SLC35E3: variants seen among roughly 807,000 people sequenced by gnomAD.
SLC35E3 encodes solute carrier family 35 member E3.
SLC35E3 carries 28 observed loss-of-function variants against 30.8 expected under a neutral mutation model. The observed-to-expected ratio is 0.91, with a 90% CI of 0.67 to 1.25. SLC35E3 has a LOEUF of 1.25. Among genes scored for constraint, SLC35E3 ranks in the 50% most tolerant of loss-of-function variants. The probability of loss-of-function intolerance (pLI) is 0.00; values close to 1 mark genes in which losing one functional copy is unlikely to be tolerated. For missense variants in SLC35E3, 365 were observed against 375.4 expected, an observed-to-expected ratio of 0.97 and a Z score of 0.23; for synonymous variants, 146 against 149.2, an observed-to-expected ratio of 0.98 and a Z score of 0.16.
chr12:68,753,085 G>A (rs1878863085), intron 3 of SLC35E3, among the ~76,000 whole-genome samples: 1 of 144,772 alleles, frequency 6.9e-6, no homozygotes, highest in African/African-American at 2.6e-5. Flanking sequence ...AGGTGGAGGT[G>A]CAGTGAGCTG....
At chr12:68,754,911 A>G (rs1313953728) in intron 3 of SLC35E3, among the ~76,000 whole-genome samples, 1 of 152,150 alleles carries the variant, frequency 6.6e-6, no homozygotes, top group African/African-American at 2.4e-5. Flanking sequence ...TAATCCTCCT[A>G]TGTCTTAGTC....
At chr12:68,753,936 C>T (rs1368629053) in intron 3 of SLC35E3, among the ~76,000 whole-genome samples, 5 of 151,942 alleles carry the variant, frequency 3.3e-5, no homozygotes, top group Non-Finnish European at 5.9e-5. Flanking sequence ...ACTGCAAACT[C>T]CGCCTCCCGG....
In SLC35E3 at chr12:68,747,916, C is replaced by G. The variant is rs564789777; in HGVS notation, c.403-14C>G. On this transcript the variant is annotated splice_polypyrimidine_tract_variant and intron_variant, in intron 1 of 4. Transcript: ENST00000398004. ...AATTTAATCTGAACAACATTTACCT[C>G]TTTTTCGTTACAGATTCCTATAACT... 1 of 1,384,026 alleles carries G rather than the reference C, an allele frequency of 7.2e-7. No homozygotes were observed. The highest frequency in any genetic ancestry group is 1.4e-5 in the African/African-American group (1 of 69,974). 85.7% of individuals were successfully genotyped at this position (1,384,026 alleles called of 1,614,324 possible).
At chr12:68,760,235 T>C (rs1230224540) in intron 4 of SLC35E3, 1 of 152,186 alleles carries the variant, frequency 6.6e-6, no homozygotes, top group Non-Finnish European at 1.5e-5. Flanking sequence ...AACTGTCCAT[T>C]TGTACCATTC....
chr12:68,774,319 C>T lies in SLC35E3; in HGVS notation c.*9429C>T, dbSNP rs1879679793. 1 of 152,168 alleles carries T rather than the reference C, an allele frequency of 6.6e-6. No homozygotes were observed. The highest frequency in any genetic ancestry group is 1.5e-5 in the Non-Finnish European group (1 of 68,122). The allele number at this position is 152,168 out of a possible 1,614,324, so 9.4% of individuals were successfully genotyped here. A position where few individuals can be genotyped will look rare whatever the true frequency, so the allele number is the denominator to read the frequency against. On this transcript the variant is annotated 3_prime_UTR_variant, in exon 5 of 5. Coordinates refer to ENST00000398004, the MANE Select transcript of SLC35E3 (RefSeq NM_018656.5). The stretch of plus-strand genomic sequence containing the variant: ...AGGTGGCCAGGCGTAGTGGTTCACA[C>T]CTGCAATCTCAGCACTTTGGAAGGC...
At chr12:68,753,836 C>CA (rs553993443) in intron 3 of SLC35E3, among the ~76,000 whole-genome samples, 2 of 68,010 alleles carry the variant, frequency 2.9e-5, no homozygotes, top group African/African-American at 7.8e-5. Context: ...ACACACACAC[C>CA]CCAATTAAAC....
rs375153571 is a variant in SLC35E3 at position 68,777,971 on chromosome 12, A to G, written c.*13081A>G. ...CGTCTCTATAAAAAGTACAAAAATTAGCCAGGTATGGTGGTATGTGCCTGT... is the reference window on the plus strand; with the variant it reads ...CGTCTCTATAAAAAGTACAAAAATTGGCCAGGTATGGTGGTATGTGCCTGT... On this transcript the variant is annotated 3_prime_UTR_variant, in exon 5 of 5. Transcript: ENST00000398004. 3 of 152,078 alleles carry G rather than the reference A, an allele frequency of 2.0e-5. No individual in the cohort carries two copies. In the East Asian group the frequency reaches 5.8e-4, roughly 29 times the overall value. The allele number at this position is 152,078 out of a possible 1,614,324, so 9.4% of individuals were successfully genotyped here. A position where few individuals can be genotyped will look rare whatever the true frequency, so the allele number is the denominator to read the frequency against.
At chr12:68,749,197 G>A (rs1201598574) in intron 2 of SLC35E3, among the ~76,000 whole-genome samples, 1 of 152,162 alleles carries the variant, frequency 6.6e-6, no homozygotes, top group African/African-American at 2.4e-5. Context: ...AGAATCAAAG[G>A]ATTCTATATC....
At chr12:68,763,061 G>C (rs1412183609) in intron 4 of SLC35E3, among the ~76,000 whole-genome samples, 1 of 152,242 alleles carries the variant, frequency 6.6e-6, no homozygotes, top group East Asian at 1.9e-4. Flanking sequence ...GGTTGTATTT[G>C]AGAGAATGTG....
chr12:68,770,734 T>C lies in SLC35E3; in HGVS notation c.*5844T>C, dbSNP rs1879580824. 1.3e-5 allele frequency: 2 copies of C among 152,284 alleles called. No individual in the cohort carries two copies. Among genetic ancestry groups the C allele is most frequent in the African/African-American group, 4.8e-5 (2 of 41,408 alleles). 9.4% of individuals were successfully genotyped at this position (152,284 alleles called of 1,614,324 possible). A position where few individuals can be genotyped will look rare whatever the true frequency, so the allele number is the denominator to read the frequency against. On this transcript the variant is annotated 3_prime_UTR_variant, in exon 5 of 5. Transcript: ENST00000398004. Reference sequence around the variant, plus strand: ...CTGTGGTCCCAGCTACTCAGGAGGCTGAGGCGGGAGGATCTCCTGAGCCCA... The same window carrying C: ...CTGTGGTCCCAGCTACTCAGGAGGCCGAGGCGGGAGGATCTCCTGAGCCCA...
At position 68,764,796 on chromosome 12, in the gene SLC35E3, G is replaced by T. The variant is rs1178671247; in HGVS notation, c.848G>T (p.Gly283Val). 1 of 1,613,866 alleles carries T rather than the reference G, an allele frequency of 6.2e-7. No homozygotes were observed. Among genetic ancestry groups the T allele is most frequent in the Non-Finnish European group, 8.5e-7 (1 of 1,179,978 alleles). The change falls in exon 5 of 5, where the codon GGC (glycine) becomes GTC (valine). Residue 283 changes from glycine to valine, a missense_variant. Transcript: ENST00000398004. ...CCACTGTCCATTAATCAGGCCCTTG[G>T]CATTTTATGTACATTATTTGGCATT... ...KDPLSINQAL[G>V]ILCTLFGILA...
intron 2 of SLC35E3, among the ~76,000 whole-genome samples, chr12:68,749,123 G>A (rs1878700252): frequency 1.3e-5 from 2 of 152,166 alleles, no homozygotes; most frequent in Admixed American, 6.5e-5. Context: ...TAGATTCAGA[G>A]TACTCACCAT....
At chr12:68,757,017 T>C (rs1168610221) in intron 3 of SLC35E3, among the ~76,000 whole-genome samples, 2 of 152,064 alleles carry the variant, frequency 1.3e-5, no homozygotes, top group African/African-American at 2.4e-5. Context: ...TCCAAATAAA[T>C]AAATAAATAA....
intron 4 of SLC35E3, among the ~76,000 whole-genome samples, chr12:68,764,204 T>G (rs1879311431): frequency 6.6e-6 from 1 of 152,190 alleles, no homozygotes; most frequent in African/African-American, 2.4e-5. Context: ...TCCCTTTTCT[T>G]TTTTGGAGGT....
At chr12:68,756,700 A>G (rs1879018579) in intron 3 of SLC35E3, among the ~76,000 whole-genome samples, 1 of 152,182 alleles carries the variant, frequency 6.6e-6, no homozygotes, top group African/African-American at 2.4e-5. Flanking sequence ...AACAGAATTA[A>G]AAACAAAAAT....
chr12:68,755,840 C>T (rs995170626), intron 3 of SLC35E3, among the ~76,000 whole-genome samples: 1 of 152,212 alleles, frequency 6.6e-6, no homozygotes, highest in Admixed American at 6.5e-5. Flanking sequence ...ACACCTTCTA[C>T]TAGGCCTCAC....
At chr12:68,751,446 G>A (rs911026723) in intron 2 of SLC35E3, among the ~76,000 whole-genome samples, 2 of 151,882 alleles carry the variant, frequency 1.3e-5, no homozygotes, top group Non-Finnish European at 2.9e-5. Context: ...ACAGGCGCCC[G>A]CCACCACGCC....
chr12:68,779,275 T>C lies in SLC35E3; in HGVS notation c.*14385T>C, dbSNP rs955420122. ...CTGGGACTATAGGTATGCCCTACCA[T>C]GTGTGGCTATATTTGGTAGGTTTTA... is the stretch of plus-strand genomic sequence containing the variant. On this transcript the variant is annotated 3_prime_UTR_variant, in exon 5 of 5. Coordinates refer to ENST00000398004, the MANE Select transcript of SLC35E3 (RefSeq NM_018656.5). 13 of 152,190 alleles carry C rather than the reference T, an allele frequency of 8.5e-5. No individual in the cohort carries two copies. The highest frequency in any genetic ancestry group is 2.7e-4 in the African/African-American group (11 of 41,430). The allele number at this position is 152,190 out of a possible 1,614,324, so 9.4% of individuals were successfully genotyped here. A position where few individuals can be genotyped will look rare whatever the true frequency, so the allele number is the denominator to read the frequency against.
Position 68,766,150 on chromosome 12 carries a change from T to G in SLC35E3, c.*1260T>G, listed in dbSNP as rs1017895642. 1 of 152,036 alleles carries G rather than the reference T, an allele frequency of 6.6e-6. No homozygotes were observed. Among genetic ancestry groups the G allele is most frequent in the Non-Finnish European group, 1.5e-5 (1 of 68,002 alleles). 9.4% of individuals were successfully genotyped at this position (152,036 alleles called of 1,614,324 possible). On this transcript the variant is annotated 3_prime_UTR_variant, in exon 5 of 5. Coordinates refer to ENST00000398004, the MANE Select transcript of SLC35E3 (RefSeq NM_018656.5). ...ATTATTCATACATTTATAGGTCATCTCTTTGAGTTTTCAGTGAACTATAGA... is the reference window on the plus strand; with the variant it reads ...ATTATTCATACATTTATAGGTCATCGCTTTGAGTTTTCAGTGAACTATAGA...
Sources: allele counts gnomAD v4.1 joint callset (sites outside exome capture counted in the v4.1 genomes callset), GRCh38; gene constraint gnomAD v4.1.1; transcripts MANE v1.5; gene names NCBI Gene and HGNC (gene_info 2026-07-23, HGNC 2026-07-21).